Variants in FBXO34 observed in about 807,000 individuals in gnomAD.
FBXO34 encodes F-box protein 34, also known as F-box only protein 34.
A neutral mutation model predicts 24.5 loss-of-function variants in FBXO34; 12 were observed. That is an observed-to-expected ratio of 0.49 (90% CI 0.31 to 0.79). The LOEUF (loss-of-function observed/expected upper bound fraction) is 0.79, where lower values mean the gene tolerates loss of function less well. Ranked by LOEUF, FBXO34 falls within the 30% of genes least tolerant of loss-of-function variation. FBXO34 has a pLI of 0.04. For synonymous variants in FBXO34, 320 were observed against 311.9 expected, an observed-to-expected ratio of 1.03 and a Z score of -0.27; for missense variants, 823 against 857.7, an observed-to-expected ratio of 0.96 and a Z score of 0.51.
intron 1 of FBXO34, among the ~76,000 whole-genome samples, chr14:55,293,774 CT>C (rs1380533563): frequency 1.3e-5 from 2 of 151,794 alleles, no homozygotes; most frequent in Non-Finnish European, 2.9e-5. Flanking sequence ...AAAGTGGGAC[CT>C]AGCACATGGG....
chr14:55,394,969 T>C, the FBXO34 span: 1 of 423,186 alleles, frequency 2.4e-6, no homozygotes, highest in Non-Finnish European at 4.7e-6. Context: ...GCACTGACAC[T>C]TCAAAGGGGC....
At chr14:55,397,531 T>C in the FBXO34 span, 3 of 946,770 alleles carry the variant, frequency 3.2e-6, no homozygotes, top group South Asian at 1.4e-5. Flanking sequence ...TGCAGAGTCA[T>C]GTGAAAATGT....
chr14:55,380,729 T>G, the FBXO34 span: 1 of 1,389,106 alleles, frequency 7.2e-7, no homozygotes, highest in Non-Finnish European at 1.0e-6. Flanking sequence ...AAAACCTTAA[T>G]TCCAACAAAA....
chr14:55,378,777 C>T, the FBXO34 span, among the ~76,000 whole-genome samples: 2 of 152,194 alleles, frequency 1.3e-5, no homozygotes, highest in African/African-American at 4.8e-5. Flanking sequence ...TAGCTCACTA[C>T]AGCCTGCAGC....
At position 55,303,154 on chromosome 14, in the gene FBXO34, C is replaced by T. The variant is rs542651016; in HGVS notation, c.-11+31617C>T. 5.6e-4 allele frequency among the ~76,000 whole-genome samples: 82 copies of T among 146,428 alleles called. 1 individual carries two copies. In the East Asian group the frequency reaches 0.011, roughly 19 times the overall value. ...TTTTTTTTTTTTAGCATTGGCTATT[C>T]TTTAAATTTTGAGTGCCTCCCTGTG... On this transcript the variant is annotated intron_variant, in intron 1 of 1. Coordinates refer to ENST00000313833, the MANE Select transcript of FBXO34 (RefSeq NM_017943.4).
chr14:55,380,642 T>C, the FBXO34 span: 2 of 1,613,570 alleles, frequency 1.2e-6, no homozygotes, highest in Non-Finnish European at 1.7e-6. Flanking sequence ...CTGAGTTGCA[T>C]AGCACAGCGC....
the FBXO34 span, among the ~76,000 whole-genome samples, chr14:55,391,471 TAAAAAAAA>T: frequency 1.3e-5 from 1 of 75,790 alleles, no homozygotes; most frequent in Non-Finnish European, 3.0e-5. Flanking sequence ...TGAGACTCCA[TAAAAAAAA>T]AAAAAAAAAA....
At chr14:55,323,008 C>G (rs1197569933) in intron 1 of FBXO34, among the ~76,000 whole-genome samples, 2 of 81,054 alleles carry the variant, frequency 2.5e-5, no homozygotes, top group Admixed American at 1.2e-4. Context: ...CCCATCTCTA[C>G]TAAAAATACA....
chr14:55,402,963 AT>A, the FBXO34 span, among the ~76,000 whole-genome samples: 91 of 78,324 alleles, frequency 1.2e-3, 2 homozygotes, highest in Admixed American at 3.0e-3. Context: ...ATATATATAT[AT>A]ATATAAATAG....
At chr14:55,287,931 T>G (rs183492734) in intron 1 of FBXO34, among the ~76,000 whole-genome samples, 2 of 152,330 alleles carry the variant, frequency 1.3e-5, no homozygotes, top group Admixed American at 1.3e-4. Context: ...ATCTTCATTG[T>G]TGTGTGCCTG....
chr14:55,283,428 T>C (rs1881628901), intron 1 of FBXO34, among the ~76,000 whole-genome samples: 1 of 152,136 alleles, frequency 6.6e-6, no homozygotes, highest in Non-Finnish European at 1.5e-5. Flanking sequence ...TTATATTCTT[T>C]GGCAAATAGC....
intron 1 of FBXO34, among the ~76,000 whole-genome samples, chr14:55,318,476 G>T (rs1436874528): frequency 8.1e-6 from 1 of 123,912 alleles, no homozygotes; most frequent in East Asian, 2.5e-4. Flanking sequence ...TTTCCTTAAA[G>T]AAGTAACCAT....
intron 1 of FBXO34, among the ~76,000 whole-genome samples, chr14:55,321,290 G>C (rs1401264928): frequency 6.6e-6 from 1 of 151,972 alleles, no homozygotes; most frequent in African/African-American, 2.4e-5. Context: ...AATGGCACGT[G>C]CTTTACACAT....
At chr14:55,414,914 A>T in the FBXO34 span, among the ~76,000 whole-genome samples, 9 of 152,242 alleles carry the variant, frequency 5.9e-5, no homozygotes, top group Non-Finnish European at 1.3e-4. Context: ...TTCTAAATTT[A>T]AAAGAGTTTT....
intron 1 of FBXO34, among the ~76,000 whole-genome samples, chr14:55,305,163 G>A (rs968918469): frequency 2.0e-5 from 3 of 152,148 alleles, no homozygotes; most frequent in African/African-American, 7.2e-5. Context: ...CTATAATCCC[G>A]ACACTTCAGG....
chr14:55,288,843 G>C (rs1881848415), intron 1 of FBXO34, among the ~76,000 whole-genome samples: 1 of 152,196 alleles, frequency 6.6e-6, no homozygotes, highest in Non-Finnish European at 1.5e-5. Flanking sequence ...TTGAGGTCAG[G>C]AGTTCGAGAC....
chr14:55,337,109 G>C (rs1332296217), intron 1 of FBXO34, among the ~76,000 whole-genome samples: 2 of 151,752 alleles, frequency 1.3e-5, no homozygotes, highest in Non-Finnish European at 2.9e-5. Flanking sequence ...GAGTAGCTGG[G>C]ACCACAGATG....
At chr14:55,305,994 A>G (rs1882530830) in intron 1 of FBXO34, among the ~76,000 whole-genome samples, 1 of 152,258 alleles carries the variant, frequency 6.6e-6, no homozygotes, top group African/African-American at 2.4e-5. Flanking sequence ...TAGTAGTAAA[A>G]TAGTTCAATG....
At chr14:55,349,065 G>A (rs1257951056) in intron 1 of FBXO34, among the ~76,000 whole-genome samples, 1 of 151,742 alleles carries the variant, frequency 6.6e-6, no homozygotes, top group Non-Finnish European at 1.5e-5. Context: ...TTAGTTTCTA[G>A]GTTTATTTTG....
Sources: allele counts gnomAD v4.1 joint callset (sites outside exome capture counted in the v4.1 genomes callset), GRCh38; gene constraint gnomAD v4.1.1; transcripts MANE v1.5; gene names NCBI Gene and HGNC (gene_info 2026-07-23, HGNC 2026-07-21).